TNS1: variants seen among roughly 807,000 people sequenced by gnomAD.
The protein encoded by TNS1 is tensin 1, also known as tensin-1.
In TNS1, 62 loss-of-function variants were observed where a neutral mutation model predicts 168.6. The ratio of observed to expected loss-of-function variants is 0.37; its 90% CI spans 0.30 to 0.45. The LOEUF (loss-of-function observed/expected upper bound fraction) is 0.45, where lower values mean the gene tolerates loss of function less well. Ranked by LOEUF, TNS1 falls within the 20% of genes least tolerant of loss-of-function variation. The pLI is 1.00. For synonymous variants in TNS1, 934 were observed against 933.2 expected, an observed-to-expected ratio of 1.00 and a Z score of -0.02; for missense variants, 2,240 against 2,339.4, an observed-to-expected ratio of 0.96 and a Z score of 0.88.
chr2:218,031,177 T>G (rs1958893047), intron 1 of TNS1, among the ~76,000 whole-genome samples: 1 of 143,246 alleles, frequency 7.0e-6, no homozygotes, highest in Non-Finnish European at 1.5e-5. Flanking sequence ...GTGTCTTGTG[T>G]GAGTGTGAAT....
At chr2:217,993,250 A>G (rs1459675849) in intron 1 of TNS1, among the ~76,000 whole-genome samples, 2 of 152,258 alleles carry the variant, frequency 1.3e-5, no homozygotes, top group Middle Eastern at 3.2e-3. Flanking sequence ...TAAGTGACTC[A>G]TGACTGTAAC....
chr2:217,956,434 A>G (rs2059739), intron 3 of TNS1, among the ~76,000 whole-genome samples: 37,078 of 152,006 alleles, frequency 0.24, 7,049 homozygotes, highest in African/African-American at 0.53. Context: ...AAGGACGCAG[A>G]AAAGAGAAAG....
chr2:218,012,212 A>T (rs970355791), upstream of TNS1, among the ~76,000 whole-genome samples: 1 of 152,250 alleles, frequency 6.6e-6, no homozygotes, highest in African/African-American at 2.4e-5. Flanking sequence ...CATCGCAAGT[A>T]GAATGAAGTT....
chr2:217,813,304 T>A lies in TNS1; in HGVS notation c.4865A>T (p.Asp1622Val). The A allele has an allele frequency of 6.3e-7, 1 of 1,582,362 alleles. No homozygotes were observed. The highest frequency in any genetic ancestry group is 8.6e-7 in the Non-Finnish European group (1 of 1,161,962). Residue 1622 changes from aspartate (D) to valine (V), a missense_variant, in exon 27 of 33, where the codon GAC (aspartate) becomes GTC (valine). Transcript: ENST00000682258. This position sits in a 1 kb window ranked among gnomAD's most constrained non-coding sequence, Gnocchi z 4.0. ...ATGCCTGACCAGCTCATGGGTCATG[T>A]CTCCTGGGACAAAGAGAAAGAAATA... ...PTIMQQNKKG[D>V]MTHELVRHFL...
chr2:217,827,892 A>T (rs2125249482), intron 22 of TNS1, among the ~76,000 whole-genome samples: 1 of 152,308 alleles, frequency 6.6e-6, no homozygotes, highest in East Asian at 1.9e-4. Context: ...AAAGTGAGAG[A>T]CACAATCACC....
At chr2:217,915,784 C>T (rs986581484) in intron 4 of TNS1, among the ~76,000 whole-genome samples, 1 of 152,226 alleles carries the variant, frequency 6.6e-6, no homozygotes, top group Non-Finnish European at 1.5e-5. Flanking sequence ...TGACCATGAA[C>T]AAGGCACCCA....
At chr2:217,891,318 G>A (rs940677417) in intron 11 of TNS1, among the ~76,000 whole-genome samples, 4 of 152,166 alleles carry the variant, frequency 2.6e-5, no homozygotes, top group African/African-American at 9.7e-5. Context: ...CCACTTATGA[G>A]CCCCGTGTCC....
At chr2:217,988,855 A>G (rs1958272382) in intron 2 of TNS1, among the ~76,000 whole-genome samples, 1 of 152,124 alleles carries the variant, frequency 6.6e-6, no homozygotes, top group Non-Finnish European at 1.5e-5. Context: ...CTCCTCTGTA[A>G]AACGGGGATG....
chr2:218,013,351 C>G (rs761757213), upstream of TNS1, among the ~76,000 whole-genome samples: 18 of 152,276 alleles, frequency 1.2e-4, no homozygotes, highest in Non-Finnish European at 2.4e-4. Context: ...AAGCTCCCCA[C>G]AGTGGACCAG....
At chr2:217,957,959 C>T (rs775626131) in intron 3 of TNS1, among the ~76,000 whole-genome samples, 17 of 147,438 alleles carry the variant, frequency 1.2e-4, no homozygotes, top group Non-Finnish European at 1.2e-4. Context: ...TTGCATCATT[C>T]TTGGTACTTC....
chr2:218,027,589 G>A (rs1958861461), intron 1 of TNS1, among the ~76,000 whole-genome samples: 1 of 152,080 alleles, frequency 6.6e-6, no homozygotes, highest in Non-Finnish European at 1.5e-5. Flanking sequence ...AGAAACAGGT[G>A]ACAGCCCTCG....
Position 217,946,971 on chromosome 2 carries a change from A to T in TNS1, c.187-26735T>A, listed in dbSNP as rs551056473. 8.2e-3 allele frequency among the ~76,000 whole-genome samples: 1,126 copies of T among 137,018 alleles called. 4 individuals are homozygous for T. The highest frequency in any genetic ancestry group is 0.012 in the Non-Finnish European group (764 of 61,276). The allele number at this position is 137,018 out of a possible 152,430, so 89.9% of individuals were successfully genotyped here. A position where few individuals can be genotyped will look rare whatever the true frequency, so the allele number is the denominator to read the frequency against. ...CTCTCTCTCTCTCTCTCTCTCTCTC[A>T]CACACACACACACACACACACACAG... On this transcript the variant is annotated intron_variant, in intron 3 of 32. Transcript: ENST00000682258.
intron 22 of TNS1, among the ~76,000 whole-genome samples, chr2:217,822,911 T>A (rs1943094210): frequency 6.6e-6 from 1 of 152,186 alleles, no homozygotes; most frequent in Admixed American, 6.5e-5. Context: ...GGGAGGAATG[T>A]CATTCCTACC....
At chr2:217,859,744 G>T (rs758983483) in intron 18 of TNS1, 1 of 1,456,002 alleles carries the variant, frequency 6.9e-7, no homozygotes, top group South Asian at 1.2e-5. Context: ...TTCAGAGTTC[G>T]CAATGCCTCA....
chr2:217,941,508 C>G (rs576299539), intron 3 of TNS1, among the ~76,000 whole-genome samples: 127 of 152,288 alleles, frequency 8.3e-4, no homozygotes, highest in Admixed American at 1.6e-3. Context: ...GCGTCGGGCT[C>G]TTGGTTCCTT....
At chr2:217,815,733 C>A (rs78574072) in intron 24 of TNS1, among the ~76,000 whole-genome samples, 1 of 152,194 alleles carries the variant, frequency 6.6e-6, no homozygotes, top group Non-Finnish European at 1.5e-5. Context: ...GCTTCTAGAA[C>A]CTTTCTCCAC....
At chr2:217,949,377 TC>T (rs1957189400) in intron 3 of TNS1, among the ~76,000 whole-genome samples, 1 of 152,200 alleles carries the variant, frequency 6.6e-6, no homozygotes, top group South Asian at 2.1e-4. Flanking sequence ...CTTGGACCTA[TC>T]CCTGCAGAGA....
chr2:217,981,152 T>C (rs995259670), intron 2 of TNS1, among the ~76,000 whole-genome samples: 3 of 152,188 alleles, frequency 2.0e-5, no homozygotes, highest in African/African-American at 7.2e-5. Flanking sequence ...CATGAGACCA[T>C]ACAGCATCTT....
intron 22 of TNS1, among the ~76,000 whole-genome samples, chr2:217,829,221 CAA>C (rs10602621): frequency 0.51 from 75,484 of 148,038 alleles, 19,658 homozygotes; most frequent in African/African-American, 0.65. Context: ...ACTAAAAATA[CAA>C]AAAAAAAAAA....
Sources: allele counts gnomAD v4.1 joint callset (sites outside exome capture counted in the v4.1 genomes callset), GRCh38; gene constraint gnomAD v4.1.1; non-coding constraint Gnocchi (gnomAD v3.1); transcripts MANE v1.5; gene names NCBI Gene and HGNC (gene_info 2026-07-23, HGNC 2026-07-21).